The following MAF variants were observed in gnomAD, a reference collection of about 807,000 sequenced individuals.
MAF encodes the protein MAF bZIP transcription factor.
A neutral mutation model predicts 22.0 loss-of-function variants in MAF; 10 were observed. That is an observed-to-expected ratio of 0.45 (90% confidence interval 0.28 to 0.77). MAF has a LOEUF of 0.77. Ranked by LOEUF, MAF falls within the 30% of genes least tolerant of loss-of-function variation. The pLI is 0.12. For missense variants in MAF, 544 were observed against 548.4 expected (o/e 0.99, Z 0.08); for synonymous variants, 337 against 255.8 (o/e 1.32, Z -3.03).
chr16:79,488,380 G>A, the MAF span, among the ~76,000 whole-genome samples: 2 of 152,270 alleles, frequency 1.3e-5, no homozygotes, highest in Non-Finnish European at 2.9e-5. Context: ...AGGCTCTGGG[G>A]CGAGACTGCT....
At chr16:79,373,662 G>A in the MAF span, among the ~76,000 whole-genome samples, 1 of 151,970 alleles carries the variant, frequency 6.6e-6, no homozygotes. Flanking sequence ...ACAGGTGTGA[G>A]CCACCGCATC....
At chr16:79,415,630 T>C in the MAF span, among the ~76,000 whole-genome samples, 1,459 of 152,080 alleles carry the variant, frequency 9.6e-3, 25 homozygotes, top group African/African-American at 0.033. Flanking sequence ...GCTTGCATCC[T>C]ATGGTTGCCT....
chr16:79,472,671 T>C, the MAF span, among the ~76,000 whole-genome samples: 2 of 152,044 alleles, frequency 1.3e-5, no homozygotes, highest in South Asian at 2.1e-4. Context: ...TTCTAGGGTG[T>C]AGAAATGTTC....
chr16:79,375,284 A>G, the MAF span, among the ~76,000 whole-genome samples: 7 of 152,198 alleles, frequency 4.6e-5, no homozygotes, highest in African/African-American at 1.4e-4. Context: ...AAAAGGGTTC[A>G]AGGCATTGAT....
chr16:79,237,057 T>C, the MAF span, among the ~76,000 whole-genome samples: 1 of 152,020 alleles, frequency 6.6e-6, no homozygotes, highest in Non-Finnish European at 1.5e-5. Flanking sequence ...TGCCAGAGTG[T>C]GCCTTGAGAC....
the MAF span, among the ~76,000 whole-genome samples, chr16:79,525,783 T>C: frequency 1.3e-5 from 2 of 152,188 alleles, no homozygotes; most frequent in African/African-American, 4.8e-5. Context: ...TCTCACAAAA[T>C]CATTATATTA....
At chr16:79,399,319 G>A in the MAF span, among the ~76,000 whole-genome samples, 1 of 152,178 alleles carries the variant, frequency 6.6e-6, no homozygotes, top group Non-Finnish European at 1.5e-5. Flanking sequence ...TATATATTAA[G>A]TGCTCAATTA....
chr16:79,597,277 G>A (rs1913589573), intron 1 of MAF: 2 of 1,044,722 alleles, frequency 1.9e-6, no homozygotes, highest in South Asian at 4.6e-5. Context: ...TTTTAACTGG[G>A]CTAACAGATT....
the MAF span, among the ~76,000 whole-genome samples, chr16:79,302,051 C>T: frequency 1.3e-5 from 2 of 152,164 alleles, no homozygotes; most frequent in African/African-American, 2.4e-5. Flanking sequence ...GATGGACTTC[C>T]GCGGAGGGCC....
chr16:79,551,968 C>T, the MAF span, among the ~76,000 whole-genome samples: 1 of 152,024 alleles, frequency 6.6e-6, no homozygotes, highest in South Asian at 2.1e-4. Flanking sequence ...TGCTTCGACA[C>T]AGCTGTGATT....
the MAF span, among the ~76,000 whole-genome samples, chr16:79,217,594 C>T: frequency 2.6e-5 from 4 of 152,278 alleles, no homozygotes; most frequent in South Asian, 2.1e-4. Context: ...CTCAACATCC[C>T]GAGTTCTTCG....
At chr16:79,453,060 T>C in the MAF span, among the ~76,000 whole-genome samples, 2 of 152,200 alleles carry the variant, frequency 1.3e-5, no homozygotes, top group East Asian at 1.9e-4. Flanking sequence ...AAAAACGATA[T>C]AGAAGTCCCT....
chr16:79,464,387 CAT>C, the MAF span, among the ~76,000 whole-genome samples: 3 of 152,106 alleles, frequency 2.0e-5, no homozygotes, highest in Admixed American at 2.0e-4. Context: ...GCCGTGAAGA[CAT>C]AGAGAATGTT....
At chr16:79,480,700 G>T in the MAF span, among the ~76,000 whole-genome samples, 1 of 152,186 alleles carries the variant, frequency 6.6e-6, no homozygotes, top group Non-Finnish European at 1.5e-5. Flanking sequence ...GACAGGGATG[G>T]CCTGGAGGTG....
At chr16:79,207,407 G>T in the MAF span, among the ~76,000 whole-genome samples, 2 of 152,204 alleles carry the variant, frequency 1.3e-5, no homozygotes, top group Admixed American at 6.5e-5. Flanking sequence ...GAACACTGCC[G>T]TCTTCAAAAG....
At chr16:79,410,530 G>A in the MAF span, among the ~76,000 whole-genome samples, 1 of 152,142 alleles carries the variant, frequency 6.6e-6, no homozygotes. Flanking sequence ...ATCGTGCCCT[G>A]CGCTGGGTAC....
chr16:79,328,394 G>A, the MAF span, among the ~76,000 whole-genome samples: 1 of 152,246 alleles, frequency 6.6e-6, no homozygotes, highest in Admixed American at 6.5e-5. Context: ...TGGTTGTGCT[G>A]GAGAGGGAAA....
chr16:79,471,456 C>G, the MAF span, among the ~76,000 whole-genome samples: 1 of 152,154 alleles, frequency 6.6e-6, no homozygotes, highest in Non-Finnish European at 1.5e-5. Flanking sequence ...CCAGGAGTTA[C>G]AGCTCAGGCT....
chr16:79,372,892 G>T, the MAF span, among the ~76,000 whole-genome samples: 7 of 152,152 alleles, frequency 4.6e-5, no homozygotes, highest in African/African-American at 1.7e-4. Flanking sequence ...CCTTCAGCCT[G>T]CACTTGCCTC....
Sources: gnomAD v4.1 joint callset for allele counts (sites outside exome capture counted in the v4.1 genomes callset) on GRCh38, gnomAD v4.1.1 for gene constraint, MANE v1.5 for transcripts, NCBI Gene and HGNC (gene_info 2026-07-23, HGNC 2026-07-21) for gene names.